The following DNASE1 variants were observed in gnomAD, a reference collection of about 807,000 sequenced individuals.
DNASE1 encodes deoxyribonuclease 1.
A neutral mutation model predicts 33.9 loss-of-function variants in DNASE1; 40 were observed. That is an observed-to-expected ratio of 1.18 (90% confidence interval 0.92 to 1.54). DNASE1 has a LOEUF of 1.54. DNASE1 is among the 40% of genes most tolerant of loss of function. The pLI, the probability that DNASE1 is intolerant of heterozygous loss-of-function variation, is 0.00. For synonymous variants in DNASE1, 216 were observed against 160.0 expected, an observed-to-expected ratio of 1.35 and a Z score of -2.64; for missense variants, 518 against 372.6, an observed-to-expected ratio of 1.39 and a Z score of -3.21.
intron 1 of DNASE1, among the ~76,000 whole-genome samples, chr16:3,627,132 A>G (rs963587713): frequency 2.0e-5 from 3 of 151,514 alleles, no homozygotes; most frequent in Admixed American, 6.6e-5. Context: ...CATGTTGGCC[A>G]AGTGCTGAGA....
At position 3,657,061 on chromosome 16, in the gene DNASE1, G is replaced by C. The variant is rs139424576; in HGVS notation, c.499G>C (p.Asp167His). 2.8e-5 allele frequency: 45 copies of C among 1,613,712 alleles called. No individual in the cohort carries two copies. The highest frequency in any genetic ancestry group is 5.0e-5 in the Admixed American group (3 of 59,982). Residue 167 changes from aspartate (D) to histidine (H), a missense_variant, in exon 6 of 9, where the codon GAC becomes CAC. Asp to His is a moderately conservative substitution (Grantham distance 81). Transcript: ENST00000246949. ...AAPGDAVAEI[D>H]ALYDVYLDVQ... ...CCCGGGGGACGCAGTAGCCGAGATC[G>C]ACGCTCTCTATGACGTCTACCTGGA...
intron 2 of DNASE1, 61 bp from the exon 3 acceptor site, chr16:3,655,788 G>A: frequency 6.3e-7 from 1 of 1,594,010 alleles, no homozygotes; most frequent in Non-Finnish European, 8.6e-7. Flanking sequence ...TCCCTTTGTG[G>A]CGCTGTAGGG....
intron 4 of DNASE1, 47 bp from the exon 5 acceptor site, chr16:3,656,591 G>A: frequency 6.6e-7 from 1 of 1,519,174 alleles, no homozygotes; most frequent in East Asian, 2.4e-5. Context: ...CAGGAGTGGG[G>A]CAGCTTCCAG....
chr16:3,662,596 C>A (rs1316237101), downstream of DNASE1: 1 of 629,126 alleles, frequency 1.6e-6, no homozygotes, highest in East Asian at 3.2e-5. Flanking sequence ...TGTTTGGAAC[C>A]CCCACGTCCT....
chr16:3,628,152 T>C (rs1226142346), intron 1 of DNASE1, among the ~76,000 whole-genome samples: 2 of 152,194 alleles, frequency 1.3e-5, no homozygotes, highest in South Asian at 2.1e-4. Context: ...TATGAATCTT[T>C]TACCTCCTTG....
At position 3,657,966 on chromosome 16, in the gene DNASE1, C is replaced by A. The variant is rs776662556; in HGVS notation, c.*13C>A. The A allele has an allele frequency of 6.8e-6, 11 of 1,613,840 alleles. No homozygotes were observed. The highest frequency in any genetic ancestry group is 8.5e-6 in the Non-Finnish European group (10 of 1,179,980). On this transcript the variant is annotated 3_prime_UTR_variant, in exon 9 of 9. Coordinates refer to ENST00000246949, the MANE Select transcript of DNASE1 (RefSeq NM_005223.4). ...GATGCTGAAGTGAGCAGCCCCTCCC[C>A]ACACCAGTTGAACTGCAGGAAGAGA...
rs572315688 is a variant in DNASE1, at chr16:3,624,926, G to T, written c.-1359+12920G>T. Among the ~76,000 whole-genome samples, 7 of 152,178 alleles carry T rather than the reference G, an allele frequency of 4.6e-5. No homozygotes were observed. In the East Asian group the frequency reaches 1.4e-3, roughly 29 times the overall value. ...TGTTGCCCAGGCTCGTCTCGAACTG[G>T]GCTCAAGTGATTTGCTTGCCCCAGC... is the stretch of plus-strand genomic sequence containing the variant. On this transcript the variant is annotated intron_variant and NMD_transcript_variant, in intron 1 of 11. Transcript: ENST00000570769.
chr16:3,655,672 C>T (rs1451198384), intron 2 of DNASE1, 152 bp downstream of exon 2: 2 of 1,427,598 alleles, frequency 1.4e-6, no homozygotes, highest in African/African-American at 1.4e-5. Context: ...TGGCTGTGGA[C>T]CAAGGTCCTC....
At chr16:3,662,431 C>T, downstream of DNASE1, 1 of 554,446 alleles carries the variant, frequency 1.8e-6, no homozygotes, top group Non-Finnish European at 3.3e-6. Flanking sequence ...CATGAGGCCC[C>T]TTCCTCCAAG....
At chr16:3,624,969 T>A (rs2041458148) in intron 1 of DNASE1, among the ~76,000 whole-genome samples, 1 of 152,204 alleles carries the variant, frequency 6.6e-6, no homozygotes, top group African/African-American at 2.4e-5. Context: ...AGTCTGAGAT[T>A]ACAGGTGTGA....
chr16:3,661,345 C>G (rs1035132226), downstream of DNASE1: 4 of 151,740 alleles, frequency 2.6e-5, no homozygotes, highest in Non-Finnish European at 5.9e-5. Context: ...CAGGAAGAAA[C>G]GAGGGAAATC....
chr16:3,644,305 G>A (rs1378093175), intron 1 of DNASE1, among the ~76,000 whole-genome samples: 1 of 152,090 alleles, frequency 6.6e-6, no homozygotes, highest in Non-Finnish European at 1.5e-5. Context: ...GCTGACACCT[G>A]TAATCGCAGC....
At chr16:3,640,834 C>G (rs1358417896), upstream of DNASE1, 7 of 398,544 alleles carry the variant, frequency 1.8e-5, no homozygotes, top group Admixed American at 8.8e-5. Flanking sequence ...GCTGTCACTC[C>G]TGGGCCCAGG....
At chr16:3,659,103 T>G, downstream of DNASE1, 4 of 489,722 alleles carry the variant, frequency 8.2e-6, 1 homozygote, top group South Asian at 1.2e-4. Flanking sequence ...AAGATTAATA[T>G]ACACTAAAGG....
chr16:3,643,728 A>G (rs2042088871), intron 1 of DNASE1, among the ~76,000 whole-genome samples: 1 of 152,200 alleles, frequency 6.6e-6, no homozygotes, highest in South Asian at 2.1e-4. Context: ...TAGTATGTTA[A>G]TCACATCTGT....
At chr16:3,635,457 C>CAA (rs753495578) in intron 1 of DNASE1, among the ~76,000 whole-genome samples, 89 of 58,950 alleles carry the variant, frequency 1.5e-3, no homozygotes, top group African/African-American at 3.7e-3. Flanking sequence ...GACTCTGTCT[C>CAA]AAAAAAAAAA....
Position 3,655,457 on chromosome 16 carries a change from C to T in DNASE1, c.84C>T (p.Phe28=). 6.2e-7 allele frequency: 1 copy of T among 1,614,164 alleles called. No individual in the cohort carries two copies. Among genetic ancestry groups the T allele is most frequent in the African/African-American group, 1.3e-5 (1 of 75,050 alleles). ...QGAVSLKIAA[F]NIQTFGETKM... is the part of the protein sequence containing the mutation. Reference sequence around the variant, plus strand: ...CCGTGTCCCTGAAGATCGCAGCCTTCAACATCCAGACATTTGGGGAGACCA... The same window carrying T: ...CCGTGTCCCTGAAGATCGCAGCCTTTAACATCCAGACATTTGGGGAGACCA... The change falls in exon 2 of 9, where the codon TTC becomes TTT. Residue 28 remains phenylalanine, a synonymous_variant. Transcript: ENST00000246949.
chr16:3,621,312 CTT>C lies in DNASE1; in HGVS notation c.-1359+9307_-1359+9308del, dbSNP rs2041303466. Among the ~76,000 whole-genome samples, 5 of 152,276 alleles carry C rather than the reference CTT, an allele frequency of 3.3e-5. No individual in the cohort carries two copies. In the South Asian group the frequency reaches 1.0e-3, roughly 32 times the overall value. ...ATCTTGCCCAGGCTGATCTTAAACT[CTT>C]AGCCTCTGGTGATCCTCCTGCCTCC... On this transcript the variant is annotated intron_variant and NMD_transcript_variant, in intron 1 of 11. Transcript: ENST00000570769.
chr16:3,654,910 G>A lies in DNASE1; in HGVS notation c.-136G>A, dbSNP rs2042496832. The A allele has an allele frequency of 4.5e-6, 2 of 447,690 alleles. No individual in the cohort carries two copies. The highest frequency in any genetic ancestry group is 7.7e-5 in the Admixed American group (2 of 25,950). 27.7% of individuals were successfully genotyped at this position (447,690 alleles called of 1,614,324 possible). On this transcript the variant is annotated 5_prime_UTR_variant, in exon 1 of 9. The change creates a new upstream start codon in the 5' untranslated region. Transcript: ENST00000246949. ...CCAGCAGCACTGCCAGGGCCTTGAA[G>A]TGCTTCTTCAGAGACCTTTCTTCAT...
Sources: gnomAD v4.1 joint callset for allele counts (sites outside exome capture counted in the v4.1 genomes callset) on GRCh38, gnomAD v4.1.1 for gene constraint, MANE v1.5 for transcripts, NCBI Gene and HGNC (gene_info 2026-07-23, HGNC 2026-07-21) for gene names.